Variants in MICAL1 observed in about 807,000 individuals in gnomAD.
MICAL1 encodes microtubule associated monooxygenase, calponin and LIM domain containing 1, also known as [F-actin]-monooxygenase MICAL1.
In MICAL1, 95 loss-of-function variants were observed where a neutral mutation model predicts 131.8. The observed-to-expected ratio is 0.72, with a 90% confidence interval of 0.61 to 0.86. MICAL1 has a LOEUF of 0.86. MICAL1 is among the 40% of genes least tolerant of loss of function. MICAL1 has a pLI of 0.00. For missense variants in MICAL1, 1,292 were observed against 1,380.6 expected (o/e 0.94, Z 1.02); for synonymous variants, 546 against 554.2 (o/e 0.99, Z 0.21).
upstream of MICAL1, chr6:109,456,040 G>A: frequency 1.0e-6 from 1 of 985,924 alleles, no homozygotes; most frequent in Non-Finnish European, 1.2e-6. Flanking sequence ...CGGACACCCC[G>A]TTCCGCTCTG....
rs763532224 is a variant in MICAL1, at chr6:109,465,960, G to A, written c.-283C>T. ...GTGCTGAGCTGGATCTGAAGTACTT[G>A]TAGCTAAATGGAGCTCCTCTGTTTG... is the stretch of plus-strand genomic sequence containing the variant. On this transcript the variant is annotated 5_prime_UTR_variant, in exon 1 of 25. Coordinates refer to the MICAL1 transcript ENST00000630715. 38 of 1,614,102 alleles carry A rather than the reference G, an allele frequency of 2.4e-5. No individual in the cohort carries two copies. The highest frequency in any genetic ancestry group is 3.2e-5 in the Non-Finnish European group (38 of 1,180,052).
At chr6:109,447,303 G>GC in intron 16 of MICAL1, 54 bp downstream of exon 16, 1 of 1,613,706 alleles carries the variant, frequency 6.2e-7, no homozygotes, top group East Asian at 2.2e-5. Flanking sequence ...CCCATGAAAC[G>GC]CCCCTGCCCT....
chr6:109,453,675 G>A lies in MICAL1; in HGVS notation c.429C>T (p.Phe143=), dbSNP rs1394864117. Residue 143 remains phenylalanine (F), a synonymous_variant, in exon 3 of 25, where the codon TTC becomes TTT. Coordinates refer to ENST00000358807, the MANE Select transcript of MICAL1 (RefSeq NM_022765.4). ...GGGTGCCGGTGCAGAAGCGCCCGTA[G>A]AACTTCTTAGCACCGAGTGCCCGCA... is the stretch of plus-strand genomic sequence containing the variant. ...HDLRALGAKK[F]YGRFCTGTLD... 6.2e-7 allele frequency: 1 copy of A among 1,613,370 alleles called. No individual in the cohort carries two copies. Among genetic ancestry groups the A allele is most frequent in the East Asian group, 2.2e-5 (1 of 44,878 alleles).
intron 14 of MICAL1, 23 bp from the exon 15 acceptor site, chr6:109,447,745 T>A (rs1775300520): frequency 1.2e-6 from 2 of 1,613,872 alleles, no homozygotes; most frequent in African/African-American, 1.3e-5. Flanking sequence ...CTAACAGCTC[T>A]AAGTGTGATG....
intron 11 of MICAL1, chr6:109,449,140 C>G: frequency 1.5e-6 from 1 of 663,266 alleles, no homozygotes; most frequent in Non-Finnish European, 2.7e-6. Flanking sequence ...AAACTGGGGG[C>G]AGGGGAGGTT....
chr6:109,448,256 A>C lies in MICAL1; in HGVS notation c.1802T>G (p.Ile601Ser), dbSNP rs193182382. The C allele has an allele frequency of 1.6e-4, 251 of 1,613,806 alleles. 3 individuals carry two copies. In the East Asian group the frequency reaches 5.0e-3, roughly 32 times the overall value. ...VVAGSDPLGL[I>S]AYLSHFHSAF... ...ACTGTGGAAGTGGCTGAGGTAGGCAATGAGGCCCAGTGGGTCACTCCCTGC... is the reference window on the plus strand; with the variant it reads ...ACTGTGGAAGTGGCTGAGGTAGGCACTGAGGCCCAGTGGGTCACTCCCTGC... The change falls in exon 13 of 25, where the codon ATT becomes AGT. Residue 601 changes from isoleucine to serine, a missense_variant. By Grantham distance (142) the Ile-to-Ser change is moderately radical. Transcript: ENST00000358807.
intron 7 of MICAL1, 88 bp downstream of exon 7, chr6:109,451,512 C>T: frequency 3.3e-6 from 5 of 1,525,384 alleles, no homozygotes; most frequent in Non-Finnish European, 4.4e-6. Context: ...GACGGGGTCC[C>T]CACACCCAGG....
At chr6:109,448,171 C>T in intron 13 of MICAL1, 32 bp downstream of exon 13, 1 of 1,593,136 alleles carries the variant, frequency 6.3e-7, no homozygotes, top group Non-Finnish European at 8.5e-7. Context: ...CTCCCCATCC[C>T]AGTTATCCTG....
Position 109,446,171 on chromosome 6 carries a change from A to T in MICAL1, c.2546T>A (p.Phe849Tyr). 6.4e-7 allele frequency: 1 copy of T among 1,570,696 alleles called. No individual in the cohort carries two copies. The highest frequency in any genetic ancestry group is 2.2e-5 in the East Asian group (1 of 44,540). ...CTGGACTGGCAGGCCCCAGCCCACA[A>T]AGCTGCTCTCCAGGGCGTGGCGGGC... Reference protein sequence around the residue: ...ALARHALESSFVGWGLPVQSP... With the variant: ...ALARHALESSYVGWGLPVQSP... Residue 849 changes from phenylalanine to tyrosine, a missense_variant, in exon 19 of 25, where the codon TTT becomes TAT. Coordinates refer to ENST00000358807, the MANE Select transcript of MICAL1 (RefSeq NM_022765.4).
At chr6:109,453,911 C>T (rs778533737) in intron 2 of MICAL1, 28 bp downstream of exon 2, 2 of 1,611,490 alleles carry the variant, frequency 1.2e-6, no homozygotes, top group South Asian at 1.1e-5. Flanking sequence ...GCATGCTCCA[C>T]ACCCCATCCC....
chr6:109,461,710 TTAA>T lies in MICAL1; in HGVS notation c.14+3951_14+3953del, dbSNP rs201132205. On this transcript the variant is annotated intron_variant, in intron 1 of 24. Coordinates refer to the MICAL1 transcript ENST00000630715. ...TAAATATGTAATTTTTAATAAGAAC[TTAA>T]TAAGTGGGAAATAAATTATGTATTT... is the stretch of plus-strand genomic sequence containing the variant. Among the ~76,000 whole-genome samples the T allele has an allele frequency of 6.3e-3, 961 of 152,276 alleles. 14 individuals are homozygous for T. The highest frequency in any genetic ancestry group is 0.022 in the African/African-American group (910 of 41,562).
rs991147160 is a variant in MICAL1 at position 109,447,733 on chromosome 6, T to C, written c.1945-11A>G. ...ATCCTCTGCATTTTCCTGCAATAAG[T>C]CCTAACAGCTCTAAGTGTGATGTTT... is the stretch of plus-strand genomic sequence containing the variant. On this transcript the variant is annotated splice_polypyrimidine_tract_variant and intron_variant, in intron 14 of 24. Coordinates refer to ENST00000358807, the MANE Select transcript of MICAL1 (RefSeq NM_022765.4). 4 of 1,613,812 alleles carry C rather than the reference T, an allele frequency of 2.5e-6. No homozygotes were observed. The African/African-American group carries it at 4.0e-5, about 16-fold the overall frequency.
chr6:109,447,021 C>CCT, intron 17 of MICAL1, 52 bp downstream of exon 17: 3 of 1,593,244 alleles, frequency 1.9e-6, no homozygotes, highest in Non-Finnish European at 2.6e-6. Context: ...TCTGTGTCCC[C>CCT]CAAGCAGGGC....
At chr6:109,459,676 G>C (rs1562296452), upstream of MICAL1, among the ~76,000 whole-genome samples, 1 of 152,190 alleles carries the variant, frequency 6.6e-6, no homozygotes, top group Non-Finnish European at 1.5e-5. Flanking sequence ...TCTACCTTGA[G>C]AGGCTGCAAA....
At chr6:109,444,704 T>C in intron 24 of MICAL1, 21 bp downstream of exon 24, 2 of 1,613,670 alleles carry the variant, frequency 1.2e-6, no homozygotes, top group Non-Finnish European at 8.5e-7. Context: ...ATGTGTCTGC[T>C]TCTCCCCACA....
chr6:109,465,446 T>G (rs1776010373), intron 1 of MICAL1: 1 of 587,944 alleles, frequency 1.7e-6, no homozygotes, highest in Non-Finnish European at 3.0e-6. Flanking sequence ...CAAACCATTC[T>G]GCCCAGTTCA....
At chr6:109,444,370 G>A (rs765688091) in intron 24 of MICAL1, 31 bp from the exon 25 acceptor site, 9 of 1,613,060 alleles carry the variant, frequency 5.6e-6, no homozygotes, top group African/African-American at 1.3e-5. Flanking sequence ...TTAGAGAACA[G>A]GGAACTGGGC....
chr6:109,444,315 C>A lies in MICAL1; in HGVS notation c.3080G>T (p.Arg1027Leu). The change falls in exon 25 of 25, where the codon CGG (arginine) becomes CTG (leucine). Residue 1027 changes from arginine to leucine, a missense_variant. Transcript: ENST00000358807. The part of the protein sequence containing the change: ...REENLKTAAD[R>L]QAEDQVLRKL... ...CCTCAGGACCTGGTCCTCAGCCTGC[C>A]GATCAGCAGCTGTCTTTAGGTTTTC... 1 of 1,613,514 alleles carries A rather than the reference C, an allele frequency of 6.2e-7. No homozygotes were observed. Among genetic ancestry groups the A allele is most frequent in the Non-Finnish European group, 8.5e-7 (1 of 1,180,014 alleles).
Position 109,448,528 on chromosome 6 carries a change from C to G in MICAL1, c.1665-135G>C, listed in dbSNP as rs1012894982. On this transcript the variant is annotated intron_variant, in intron 12 of 24. Coordinates refer to ENST00000358807, the MANE Select transcript of MICAL1 (RefSeq NM_022765.4). ...AGGCTTGAAGGTAGGTGTGTAGTCT[C>G]TGCTACCCAGTGCCCAACCCAGTGA... 6.3e-6 allele frequency: 8 copies of G among 1,275,616 alleles called. No individual in the cohort carries two copies. The Admixed American group carries it at 1.3e-4, about 20-fold the overall frequency. The allele number at this position is 1,275,616 out of a possible 1,614,324, so 79.0% of individuals were successfully genotyped here.
Sources: allele counts gnomAD v4.1 joint callset (sites outside exome capture counted in the v4.1 genomes callset), GRCh38; gene constraint gnomAD v4.1.1; transcripts MANE v1.5; gene names NCBI Gene and HGNC (gene_info 2026-07-23, HGNC 2026-07-21).